ZNF385D: variants seen among roughly 807,000 people sequenced by gnomAD.
ZNF385D encodes the protein zinc finger protein 659.
Under a neutral mutation model 35.8 loss-of-function variants are expected in ZNF385D, and 15 were observed. The ratio of observed to expected loss-of-function variants is 0.42; its 90% CI spans 0.28 to 0.64. The LOEUF is 0.64. ZNF385D is among the 30% of genes least tolerant of loss of function. The pLI, the probability that ZNF385D is intolerant of heterozygous loss-of-function variation, is 0.23. For synonymous variants in ZNF385D, 212 were observed against 186.8 expected (o/e 1.13, Z -1.10); for missense variants, 474 against 494.6 (o/e 0.96, Z 0.39).
intron 2 of ZNF385D, among the ~76,000 whole-genome samples, chr3:22,169,712 C>A (rs1706560363): frequency 6.6e-6 from 1 of 152,182 alleles, no homozygotes; most frequent in Non-Finnish European, 1.5e-5. Context: ...GAAAGCATTA[C>A]TTCTGGATAA....
intron 3 of ZNF385D, among the ~76,000 whole-genome samples, chr3:21,820,640 G>C (rs1368789014): frequency 2.6e-5 from 4 of 151,084 alleles, no homozygotes; most frequent in Admixed American, 2.0e-4. Flanking sequence ...AGAAAACAAA[G>C]CTTGGTTTCT....
intron 1 of ZNF385D, among the ~76,000 whole-genome samples, chr3:21,741,161 T>C (rs2069497286): frequency 6.6e-6 from 1 of 152,080 alleles, no homozygotes; most frequent in Non-Finnish European, 1.5e-5. Flanking sequence ...AGCTGAGAAT[T>C]CTCAAAGGAA....
chr3:21,489,338 C>A (rs1705248919), intron 4 of ZNF385D, among the ~76,000 whole-genome samples: 1 of 151,918 alleles, frequency 6.6e-6, no homozygotes, highest in African/African-American at 2.4e-5. Context: ...ATCAGTGGAG[C>A]AAAAAATAGG....
intron 3 of ZNF385D, among the ~76,000 whole-genome samples, chr3:22,102,456 A>T (rs938390072): frequency 3.3e-5 from 5 of 151,964 alleles, no homozygotes; most frequent in African/African-American, 1.2e-4. Flanking sequence ...TGCTAAACCA[A>T]TTCCCTCCTT....
intron 2 of ZNF385D, among the ~76,000 whole-genome samples, chr3:22,299,705 C>T (rs1223696677): frequency 2.6e-5 from 4 of 151,440 alleles, no homozygotes; most frequent in South Asian, 2.1e-4. Context: ...GAAAACGATC[C>T]CATTTAAAAT....
chr3:21,942,159 C>A (rs536252640), intron 3 of ZNF385D, among the ~76,000 whole-genome samples: 4 of 152,174 alleles, frequency 2.6e-5, no homozygotes, highest in South Asian at 2.1e-4. Flanking sequence ...AATTTTATAG[C>A]GTAATTTTTA....
intron 2 of ZNF385D, among the ~76,000 whole-genome samples, chr3:22,177,761 G>A (rs2125773131): frequency 6.6e-6 from 1 of 152,246 alleles, no homozygotes; most frequent in African/African-American, 2.4e-5. Flanking sequence ...AGTCCCTGGT[G>A]TGTGATGTTC....
At chr3:21,501,320 T>C (rs1290508221) in intron 4 of ZNF385D, among the ~76,000 whole-genome samples, 1 of 152,208 alleles carries the variant, frequency 6.6e-6, no homozygotes, top group Non-Finnish European at 1.5e-5. Context: ...TCTTTTTATC[T>C]AAACTAGCAT....
At position 21,628,508 on chromosome 3, in the gene ZNF385D, T is replaced by TAA. The variant is rs201920205; in HGVS notation, c.165+36377_165+36378insTT. Among the ~76,000 whole-genome samples, 798 of 139,376 alleles carry TAA rather than the reference T, an allele frequency of 5.7e-3. 3 individuals are homozygous for TAA. Among genetic ancestry groups the TAA allele is most frequent in the Non-Finnish European group, 8.8e-3 (571 of 64,572 alleles). The allele number at this position is 139,376 out of a possible 152,430, so 91.4% of individuals were successfully genotyped here. A position where few individuals can be genotyped will look rare whatever the true frequency, so the allele number is the denominator to read the frequency against. ...GTAGTTTATATGAAAAATCTAGATT[T>TAA]TAAAAAAATCTATAAGGTAAGAAAA... is the stretch of plus-strand genomic sequence containing the variant. On this transcript the variant is annotated intron_variant, in intron 2 of 7. Coordinates refer to ENST00000281523, the MANE Select transcript of ZNF385D (RefSeq NM_024697.3).
intron 4 of ZNF385D, among the ~76,000 whole-genome samples, 154 bp from the exon 5 acceptor site, chr3:21,437,357 A>T (rs1701608469): frequency 6.6e-6 from 1 of 152,174 alleles, no homozygotes; most frequent in Admixed American, 6.6e-5. Flanking sequence ...CTCACAAAAA[A>T]ATTCACATAG....
intron 1 of ZNF385D, 78 bp from the exon 2 acceptor site, chr3:21,665,106 A>G: frequency 6.8e-7 from 1 of 1,477,442 alleles, no homozygotes; most frequent in Non-Finnish European, 9.0e-7. Context: ...TTGAGACAAA[A>G]AAGGCCAGCT....
intron 4 of ZNF385D, among the ~76,000 whole-genome samples, chr3:21,504,130 C>T (rs1706598989): frequency 6.6e-6 from 1 of 152,098 alleles, no homozygotes; most frequent in Admixed American, 6.5e-5. Flanking sequence ...TGTTCTCAGA[C>T]TTTACCAATT....
intron 3 of ZNF385D, among the ~76,000 whole-genome samples, chr3:21,963,198 C>G (rs1702694842): frequency 6.6e-6 from 1 of 152,148 alleles, no homozygotes; most frequent in Non-Finnish European, 1.5e-5. Flanking sequence ...CCACTTATAA[C>G]TCTGTGGCAG....
intron 4 of ZNF385D, among the ~76,000 whole-genome samples, chr3:21,494,442 G>A (rs1705668503): frequency 1.3e-5 from 2 of 152,112 alleles, no homozygotes; most frequent in Admixed American, 1.3e-4. Flanking sequence ...CAGACATGGT[G>A]ATATCAGTTA....
chr3:21,520,663 G>A (rs1274997425), intron 3 of ZNF385D, among the ~76,000 whole-genome samples: 1 of 152,122 alleles, frequency 6.6e-6, no homozygotes, highest in African/African-American at 2.4e-5. Flanking sequence ...TGTAGCCAAG[G>A]AATAATATGG....
At chr3:22,291,800 T>C (rs992179722) in intron 2 of ZNF385D, among the ~76,000 whole-genome samples, 2 of 152,090 alleles carry the variant, frequency 1.3e-5, no homozygotes, top group African/African-American at 4.8e-5. Flanking sequence ...GGGTTAATCC[T>C]ACTTATTTAT....
chr3:22,191,321 C>T (rs1297714909), intron 2 of ZNF385D, among the ~76,000 whole-genome samples: 1 of 151,934 alleles, frequency 6.6e-6, no homozygotes, highest in Non-Finnish European at 1.5e-5. Flanking sequence ...AACCCCGTCT[C>T]TACTGAAAAT....
At chr3:22,235,331 G>C (rs981370167) in intron 2 of ZNF385D, among the ~76,000 whole-genome samples, 3 of 152,004 alleles carry the variant, frequency 2.0e-5, no homozygotes, top group African/African-American at 7.2e-5. Flanking sequence ...TAAAAAGAAA[G>C]TACCTGTGCA....
intron 2 of ZNF385D, among the ~76,000 whole-genome samples, chr3:22,246,733 A>G (rs1215601954): frequency 1.3e-5 from 2 of 152,156 alleles, no homozygotes; most frequent in African/African-American, 4.8e-5. Context: ...GAAGGTAGAA[A>G]AGATGGAAAC....
Sources: allele counts gnomAD v4.1 joint callset (sites outside exome capture counted in the v4.1 genomes callset), GRCh38; gene constraint gnomAD v4.1.1; transcripts MANE v1.5; gene names NCBI Gene and HGNC (gene_info 2026-07-23, HGNC 2026-07-21).